Variants in ANKRD36C observed in about 807,000 individuals in gnomAD.
The protein encoded by ANKRD36C is ankyrin repeat domain-containing protein 36C.
A neutral mutation model predicts 276.4 loss-of-function variants in ANKRD36C; 61 were observed. That is an observed-to-expected ratio of 0.22 (90% CI 0.18 to 0.27). The LOEUF (loss-of-function observed/expected upper bound fraction) is 0.27. ANKRD36C is among the 10% of genes least tolerant of loss of function. The pLI, the probability that ANKRD36C is intolerant of heterozygous loss-of-function variation, is 1.00. For synonymous variants in ANKRD36C, 483 were observed against 680.1 expected (o/e 0.71, Z 4.51); for missense variants, 1,447 against 2,032.3 (o/e 0.71, Z 5.54).
At chr2:95,864,899 G>A (rs542185313) in intron 60 of ANKRD36C, among the ~76,000 whole-genome samples, 1 of 152,122 alleles carries the variant, frequency 6.6e-6, no homozygotes, top group South Asian at 2.1e-4. Context: ...TACCAACAAT[G>A]TGCCAGAACT....
Position 95,873,408 on chromosome 2 carries a change from G to A in ANKRD36C, c.3540+3031C>T, listed in dbSNP as rs550363429. ...AATCCAGCTTATAAACAAAACCAAA[G>A]ACAAAAACCACATGATTATCTCAAT... is the stretch of plus-strand genomic sequence containing the variant. On this transcript the variant is annotated intron_variant, in intron 59 of 66. Coordinates refer to ENST00000456556, the Ensembl canonical transcript of ANKRD36C. Among the ~76,000 whole-genome samples, 15 of 152,242 alleles carry A rather than the reference G, an allele frequency of 9.9e-5. No individual in the cohort carries two copies. In the East Asian group the frequency reaches 2.5e-3, roughly 25 times the overall value.
intron 28 of ANKRD36C, 22 bp from the exon 29 acceptor site, chr2:95,925,569 T>C (rs1205968837): frequency 2.0e-6 from 3 of 1,534,352 alleles, no homozygotes; most frequent in African/African-American, 2.8e-5. Context: ...AAGAAATATA[T>C]AATTCATCAT....
intron 6 of ANKRD36C, among the ~76,000 whole-genome samples, chr2:95,973,744 G>A (rs1678745128): frequency 6.6e-6 from 1 of 152,106 alleles, no homozygotes; most frequent in Non-Finnish European, 1.5e-5. Flanking sequence ...TCATTTTGGG[G>A]AATAAAGGAA....
At chr2:95,911,927 T>C (rs182555911) in intron 42 of ANKRD36C, among the ~76,000 whole-genome samples, 1 of 151,550 alleles carries the variant, frequency 6.6e-6, no homozygotes, top group East Asian at 2.0e-4. Flanking sequence ...ACTTCCTATC[T>C]TTCTCCTTAC....
At chr2:95,944,287 G>A (rs1338504321) in intron 19 of ANKRD36C, among the ~76,000 whole-genome samples, 1 of 152,088 alleles carries the variant, frequency 6.6e-6, no homozygotes, top group African/African-American at 2.4e-5. Flanking sequence ...TTGTGGAGCT[G>A]TTCTTTCAGG....
chr2:95,915,582 G>T (rs1457069829), intron 38 of ANKRD36C, among the ~76,000 whole-genome samples: 1 of 151,458 alleles, frequency 6.6e-6, no homozygotes, highest in Non-Finnish European at 1.5e-5. Flanking sequence ...TCCTTCTACA[G>T]TGTCTACCGG....
intron 6 of ANKRD36C, among the ~76,000 whole-genome samples, chr2:95,967,661 G>GTA (rs935432685): frequency 6.6e-6 from 1 of 152,002 alleles, no homozygotes; most frequent in African/African-American, 2.4e-5. Flanking sequence ...GTGTGTGTGT[G>GTA]TGTATATATA....
At chr2:95,991,671 C>G (rs749537751) in exon 1 of ANKRD36C, 1 of 1,614,010 alleles carries the variant, frequency 6.2e-7, no homozygotes, top group African/African-American at 1.3e-5. Flanking sequence ...CAAGCGGTCC[C>G]TGAGGGTGGG....
exon 63 of ANKRD36C, chr2:95,856,138 G>T: frequency 6.2e-6 from 10 of 1,607,386 alleles, no homozygotes; most frequent in Non-Finnish European, 8.5e-6. Context: ...TGCATCAAGC[G>T]GTTTTCATGC....
intron 64 of ANKRD36C, chr2:95,853,382 C>G (rs950424770): frequency 5.0e-6 from 1 of 198,550 alleles, no homozygotes; most frequent in Non-Finnish European, 1.0e-5. Context: ...AGACGTTTAA[C>G]AGGAAAAAAA....
chr2:95,898,078 T>G (rs1459004373), intron 44 of ANKRD36C, among the ~76,000 whole-genome samples: 11 of 149,282 alleles, frequency 7.4e-5, no homozygotes, highest in Middle Eastern at 3.4e-3. Flanking sequence ...CTAAGTTTCT[T>G]GTATCCACTA....
At chr2:95,861,528 T>C (rs1454562343) in intron 60 of ANKRD36C, among the ~76,000 whole-genome samples, 1 of 151,048 alleles carries the variant, frequency 6.6e-6, no homozygotes, top group Non-Finnish European at 1.5e-5. Context: ...ATGTATAATA[T>C]TACTGAAGGT....
intron 38 of ANKRD36C, among the ~76,000 whole-genome samples, chr2:95,915,215 A>C (rs1391766636): frequency 6.6e-6 from 1 of 151,582 alleles, no homozygotes; most frequent in Non-Finnish European, 1.5e-5. Context: ...TATTTTATCC[A>C]AGAGGTAGCT....
At chr2:95,972,847 A>G (rs1054282482) in intron 6 of ANKRD36C, among the ~76,000 whole-genome samples, 1 of 152,142 alleles carries the variant, frequency 6.6e-6, no homozygotes, top group African/African-American at 2.4e-5. Context: ...AAAATTTGAG[A>G]ATATGGATGA....
chr2:95,975,472 T>C (rs1451399561), intron 6 of ANKRD36C, among the ~76,000 whole-genome samples: 1 of 152,064 alleles, frequency 6.6e-6, no homozygotes, highest in Middle Eastern at 3.2e-3. Context: ...GAAATAATGC[T>C]GCATGTCTAC....
intron 6 of ANKRD36C, among the ~76,000 whole-genome samples, chr2:95,975,607 A>C (rs1485753204): frequency 6.6e-6 from 1 of 152,200 alleles, no homozygotes; most frequent in Non-Finnish European, 1.5e-5. Context: ...CCTTCCTTAC[A>C]TCTTATACAA....
At chr2:95,859,760 T>A in intron 61 of ANKRD36C, 101 bp downstream of exon 81, 1 of 1,327,872 alleles carries the variant, frequency 7.5e-7, no homozygotes. Flanking sequence ...CTTTCTTCCC[T>A]GTTAAATCCT....
At chr2:95,927,525 G>C in intron 26 of ANKRD36C, 116 bp from the exon 27 acceptor site, 1 of 1,488,828 alleles carries the variant, frequency 6.7e-7, no homozygotes, top group South Asian at 1.3e-5. Flanking sequence ...TGTAGGCTTT[G>C]ATGTTTTCTA....
intron 19 of ANKRD36C, among the ~76,000 whole-genome samples, chr2:95,944,341 C>T (rs1393282459): frequency 6.6e-6 from 1 of 152,168 alleles, no homozygotes; most frequent in Non-Finnish European, 1.5e-5. Flanking sequence ...ACCTAAGAAT[C>T]ATTTACTCCC....
Sources: gnomAD v4.1 joint callset for allele counts (sites outside exome capture counted in the v4.1 genomes callset) on GRCh38, gnomAD v4.1.1 for gene constraint, MANE v1.5 for transcripts, NCBI Gene and HGNC (gene_info 2026-07-23, HGNC 2026-07-21) for gene names.